Variants in LIMA1 observed in about 807,000 individuals in gnomAD.
The protein encoded by LIMA1 is LIM domain and actin binding 1, also known as LIM domain and actin-binding protein 1.
In LIMA1, 52 loss-of-function variants were observed where a neutral mutation model predicts 62.6. The ratio of observed to expected loss-of-function variants is 0.83; its 90% CI spans 0.67 to 1.05. LIMA1 has a LOEUF of 1.05. Ranked by LOEUF, LIMA1 falls within the 50% of genes least tolerant of loss-of-function variation. The pLI is 0.00. For missense variants in LIMA1, 780 were observed against 902.2 expected, an observed-to-expected ratio of 0.86 and a Z score of 1.74; for synonymous variants, 302 against 317.8, an observed-to-expected ratio of 0.95 and a Z score of 0.53.
At chr12:50,229,223 A>C (rs1941574369) in intron 3 of LIMA1, among the ~76,000 whole-genome samples, 1 of 152,094 alleles carries the variant, frequency 6.6e-6, no homozygotes. Context: ...TACATTTAAA[A>C]AATAGAGATA....
intron 7 of LIMA1, 83 bp from the exon 8 acceptor site, chr12:50,195,970 A>G: frequency 1.4e-6 from 2 of 1,395,950 alleles, no homozygotes; most frequent in Non-Finnish European, 1.9e-6. Context: ...TGTTAATGCC[A>G]TAAAAACCTG....
At chr12:50,278,835 A>C (rs1173822387) in intron 1 of LIMA1, among the ~76,000 whole-genome samples, 1 of 152,216 alleles carries the variant, frequency 6.6e-6, no homozygotes, top group Non-Finnish European at 1.5e-5. Flanking sequence ...CTACTGCAAC[A>C]GTATGAGTTC....
intron 3 of LIMA1, among the ~76,000 whole-genome samples, chr12:50,230,347 A>G (rs1239887524): frequency 2.0e-5 from 3 of 151,930 alleles, no homozygotes; most frequent in Non-Finnish European, 4.4e-5. Context: ...TACTGACACA[A>G]TTTCTTTATT....
intron 2 of LIMA1, among the ~76,000 whole-genome samples, chr12:50,242,875 G>A (rs570597719): frequency 6.6e-6 from 1 of 152,292 alleles, no homozygotes; most frequent in Admixed American, 6.5e-5. Flanking sequence ...TGTTCCAGTT[G>A]TTGGAGAACT....
intron 3 of LIMA1, among the ~76,000 whole-genome samples, chr12:50,228,471 C>G (rs1218706919): frequency 1.3e-5 from 2 of 152,202 alleles, no homozygotes; most frequent in African/African-American, 4.8e-5. Context: ...CTTCTAGAAA[C>G]ACTTTCTTCA....
intron 3 of LIMA1, 52 bp downstream of exon 3, chr12:50,231,613 A>G: frequency 1.3e-6 from 2 of 1,572,128 alleles, no homozygotes; most frequent in Admixed American, 1.7e-5. Context: ...TGGCTTGGCC[A>G]CACAATTCTG....
At chr12:50,247,130 CCT>C (rs1236807290) in intron 2 of LIMA1, among the ~76,000 whole-genome samples, 1 of 151,924 alleles carries the variant, frequency 6.6e-6, no homozygotes, top group African/African-American at 2.4e-5. Flanking sequence ...AGAGTGAAAC[CCT>C]GTCTCAACAT....
At chr12:50,272,934 C>T (rs1942231614) in intron 1 of LIMA1, among the ~76,000 whole-genome samples, 1 of 151,352 alleles carries the variant, frequency 6.6e-6, no homozygotes, top group Non-Finnish European at 1.5e-5. Flanking sequence ...CCTGTAGTCC[C>T]AGCTACTCGG....
At chr12:50,250,496 T>A (rs927002017) in intron 1 of LIMA1, among the ~76,000 whole-genome samples, 3 of 139,618 alleles carry the variant, frequency 2.1e-5, no homozygotes, top group Non-Finnish European at 3.0e-5. Flanking sequence ...GCCCAGGAGT[T>A]GGAGGCTACA....
chr12:50,201,501 G>T, intron 6 of LIMA1: 1 of 983,942 alleles, frequency 1.0e-6, no homozygotes, highest in Non-Finnish European at 1.2e-6. Context: ...CAACATAAAA[G>T]AACATGCATT....
chr12:50,279,147 A>G (rs1942309246), intron 1 of LIMA1, among the ~76,000 whole-genome samples: 1 of 151,366 alleles, frequency 6.6e-6, no homozygotes, highest in Non-Finnish European at 1.5e-5. Flanking sequence ...CTGGGACTAC[A>G]GGCATGCGCC....
chr12:50,276,140 T>G (rs957687440), intron 1 of LIMA1, among the ~76,000 whole-genome samples: 2 of 151,980 alleles, frequency 1.3e-5, no homozygotes, highest in Admixed American at 1.3e-4. Flanking sequence ...ACTCTAAGGA[T>G]TACTCAAGGA....
At position 50,200,910 on chromosome 12, in the gene LIMA1, AT is replaced by A. The variant is rs768847562; in HGVS notation, c.865-27del. On this transcript the variant is annotated intron_variant, in intron 6 of 10. Coordinates refer to ENST00000341247, the MANE Select transcript of LIMA1 (RefSeq NM_016357.5). ...CTACAAAATAAAAATAACTGTAAAA[AT>A]TTTTTTAAAGTCCCATCATTCTGTT... The A allele has an allele frequency of 1.4e-5, 22 of 1,608,698 alleles. No homozygotes were observed. The South Asian group carries it at 2.4e-4, about 18-fold the overall frequency.
intron 8 of LIMA1, among the ~76,000 whole-genome samples, chr12:50,193,473 T>TTATATATATATA (rs1051271865): frequency 7.2e-6 from 1 of 138,702 alleles, no homozygotes; most frequent in Non-Finnish European, 1.5e-5. Context: ...TACAAGAAAT[T>TTATATATATATA]TATATATATA....
rs573959078 is a variant in LIMA1, at chr12:50,272,451, G to A, written c.-24+10969C>T. On this transcript the variant is annotated intron_variant, in intron 1 of 10. Transcript: ENST00000341247. ...CCAAAAATACAAAAAAATTAGCCAG[G>A]CATGGTGGTGCATGCCTGTAATTCC... Among the ~76,000 whole-genome samples the A allele has an allele frequency of 2.0e-5, 3 of 151,918 alleles. No homozygotes were observed. The South Asian group carries it at 6.2e-4, about 32-fold the overall frequency.
intron 1 of LIMA1, among the ~76,000 whole-genome samples, chr12:50,261,039 T>C (rs928094084): frequency 3.0e-5 from 3 of 99,390 alleles, no homozygotes; most frequent in Non-Finnish European, 5.5e-5. Context: ...TGCCATCTAG[T>C]ATATTTTTTT....
At chr12:50,188,389 A>G (rs1274097669) in intron 9 of LIMA1, 1 of 152,184 alleles carries the variant, frequency 6.6e-6, no homozygotes, top group Non-Finnish European at 1.5e-5. Context: ...TGCAGACTGT[A>G]AAGGGGAACT....
rs11169330 is a variant in LIMA1 at position 50,234,049 on chromosome 12, C to T, written c.120-2339G>A. 7.5e-4 allele frequency: 330 copies of T among 439,994 alleles called. 1 individual carries two copies. Among genetic ancestry groups the T allele is most frequent in the African/African-American group, 6.2e-3 (296 of 47,822 alleles). The allele number at this position is 439,994 out of a possible 1,614,324, so 27.3% of individuals were successfully genotyped here. ...TTTCATAAATAATTATTTGTTATTA[C>T]TTTTATCATTTTGTCATTTTTATTA... On this transcript the variant is annotated intron_variant, in intron 2 of 10. Transcript: ENST00000341247.
At chr12:50,192,681 A>G (rs1427606527) in intron 8 of LIMA1, 120 bp from the exon 9 acceptor site, 1 of 683,338 alleles carries the variant, frequency 1.5e-6, no homozygotes, top group Non-Finnish European at 2.7e-6. Flanking sequence ...AACACCAGGA[A>G]AAACACTGCT....
Sources: gnomAD v4.1 joint callset for allele counts (sites outside exome capture counted in the v4.1 genomes callset) on GRCh38, gnomAD v4.1.1 for gene constraint, MANE v1.5 for transcripts, NCBI Gene and HGNC (gene_info 2026-07-23, HGNC 2026-07-21) for gene names.